Variants in KATNAL2 observed in about 807,000 individuals in gnomAD.
KATNAL2 encodes the protein katanin catalytic subunit A1 like 2.
KATNAL2 carries 52 observed loss-of-function variants against 76.3 expected under a neutral mutation model. The observed-to-expected ratio is 0.68, with a 90% CI of 0.55 to 0.86. KATNAL2 has a LOEUF of 0.86. Among genes scored for constraint, KATNAL2 ranks in the 40% least tolerant of loss-of-function variants. KATNAL2 has a pLI of 0.00. For synonymous variants in KATNAL2, 243 were observed against 244.2 expected, an observed-to-expected ratio of 1.00 and a Z score of 0.05; for missense variants, 660 against 668.9, an observed-to-expected ratio of 0.99 and a Z score of 0.15.
chr18:46,954,002 G>A (rs984453727), intron 3 of KATNAL2, among the ~76,000 whole-genome samples: 2 of 152,096 alleles, frequency 1.3e-5, no homozygotes, highest in Admixed American at 6.5e-5. Flanking sequence ...AGAGAACAGA[G>A]GAAGACTTTG....
intron 15 of KATNAL2, among the ~76,000 whole-genome samples, chr18:47,079,392 CTTTT>C (rs1215233070): frequency 1.3e-5 from 2 of 150,710 alleles, no homozygotes; most frequent in East Asian, 2.0e-4. Flanking sequence ...CAGACGGCCT[CTTTT>C]TTTTCTTTTT....
rs565166831 is a variant in KATNAL2 at position 47,035,230 on chromosome 18, T to C, written c.52-11227T>C. Reference sequence around the variant, plus strand: ...AGTGGCCAGACGCACCTGCAGCTTCTCCACTGCGTGCAGCGTAGTGGACCC... The same window carrying C: ...AGTGGCCAGACGCACCTGCAGCTTCCCCACTGCGTGCAGCGTAGTGGACCC... On this transcript the variant is annotated intron_variant, in intron 3 of 17. Coordinates refer to ENST00000683218, the MANE Select transcript of KATNAL2 (RefSeq NM_001387690.1). The C allele has an allele frequency of 1.7e-4, 276 of 1,612,714 alleles. 1 individual carries two copies. The highest frequency in any genetic ancestry group is 3.6e-4 in the African/African-American group (27 of 75,000).
intron 1 of KATNAL2, among the ~76,000 whole-genome samples, chr18:46,939,323 A>C (rs542375338): frequency 6.8e-6 from 1 of 146,950 alleles, no homozygotes; most frequent in Non-Finnish European, 1.5e-5. Context: ...GCAGAATGAG[A>C]CTGCATCTCA....
At chr18:47,079,834 G>A (rs1478880134) in intron 15 of KATNAL2, among the ~76,000 whole-genome samples, 1 of 152,044 alleles carries the variant, frequency 6.6e-6, no homozygotes, top group Non-Finnish European at 1.5e-5. Flanking sequence ...AGAATTTTTT[G>A]GCAAACACAC....
At chr18:47,031,863 C>G (rs760193510) in intron 3 of KATNAL2, among the ~76,000 whole-genome samples, 1 of 152,224 alleles carries the variant, frequency 6.6e-6, no homozygotes. Context: ...ATGCAGTATC[C>G]CTTTGTCTCC....
At chr18:47,034,410 C>G in intron 3 of KATNAL2, 2 of 1,614,106 alleles carry the variant, frequency 1.2e-6, no homozygotes, top group Non-Finnish European at 1.7e-6. Context: ...CAGCTTGCCC[C>G]CCTTCCTTGT....
chr18:47,059,023 GA>G (rs1320076453), intron 7 of KATNAL2, among the ~76,000 whole-genome samples: 2 of 152,120 alleles, frequency 1.3e-5, no homozygotes, highest in East Asian at 3.9e-4. Flanking sequence ...CTGAGAAAAG[GA>G]ATTAAAAAAA....
chr18:46,961,603 G>A (rs771313553), intron 3 of KATNAL2, among the ~76,000 whole-genome samples: 2 of 152,156 alleles, frequency 1.3e-5, no homozygotes, highest in Non-Finnish European at 2.9e-5. Flanking sequence ...TTCAAATACA[G>A]ACATAGGATT....
At chr18:47,034,670 G>A in intron 3 of KATNAL2, 1 of 1,613,594 alleles carries the variant, frequency 6.2e-7, no homozygotes, top group Non-Finnish European at 8.5e-7. Context: ...TGAGCCGCGT[G>A]AGTGTGGCCT....
rs115619692 is a variant in KATNAL2 at position 47,085,379 on chromosome 18, G to A, written c.1211+7918G>A. On this transcript the variant is annotated intron_variant, in intron 15 of 17. Coordinates refer to ENST00000683218, the MANE Select transcript of KATNAL2 (RefSeq NM_001387690.1). ...CCAAGCTAACTTTGGGAGACATTTC[G>A]TTTATAGTTTAAATGATAATAACCC... 4.0e-3 allele frequency among the ~76,000 whole-genome samples: 615 copies of A among 152,236 alleles called. 1 individual carries two copies. Among genetic ancestry groups the A allele is most frequent in the African/African-American group, 0.014 (565 of 41,524 alleles).
At chr18:46,952,306 C>T (rs939551392) in intron 3 of KATNAL2, among the ~76,000 whole-genome samples, 1 of 151,820 alleles carries the variant, frequency 6.6e-6, no homozygotes, top group Non-Finnish European at 1.5e-5. Flanking sequence ...AACCCCTGGC[C>T]TCAAGTGATC....
At chr18:47,084,518 A>G in intron 15 of KATNAL2, 2 of 638,832 alleles carry the variant, frequency 3.1e-6, no homozygotes, top group South Asian at 3.5e-5. Context: ...AGACAGTTCA[A>G]CTGGTTTCCC....
Position 47,101,412 on chromosome 18 carries a change from A to T in KATNAL2, c.*407A>T. On this transcript the variant is annotated 3_prime_UTR_variant, in exon 18 of 18. Coordinates refer to ENST00000683218, the MANE Select transcript of KATNAL2 (RefSeq NM_001387690.1). ...CAGCCAAGTAGAAGCTAAGCTTGAC[A>T]GGCACTGCCCAGCTGACAGTCCCAG... 1 of 192,722 alleles carries T rather than the reference A, an allele frequency of 5.2e-6. No individual in the cohort carries two copies. Among genetic ancestry groups the T allele is most frequent in the Non-Finnish European group, 1.1e-5 (1 of 91,144 alleles). 11.9% of individuals were successfully genotyped at this position (192,722 alleles called of 1,614,324 possible).
At chr18:47,078,293 C>T (rs2062337364) in intron 15 of KATNAL2, among the ~76,000 whole-genome samples, 3 of 152,114 alleles carry the variant, frequency 2.0e-5, no homozygotes, top group East Asian at 1.9e-4. Context: ...TTCTGTAGTG[C>T]ATGCTAATTA....
chr18:47,066,884 T>C (rs112766014), intron 10 of KATNAL2, 137 bp from the exon 11 acceptor site: 4,069 of 50,162 alleles, frequency 0.081, 464 homozygotes, highest in South Asian at 0.14. Context: ...TATATATATA[T>C]ATATATATAA....
chr18:47,034,098 G>T (rs766776711), intron 3 of KATNAL2: 3 of 1,614,080 alleles, frequency 1.9e-6, no homozygotes, highest in African/African-American at 1.3e-5. Context: ...GCAACTGATC[G>T]TAGGTGAGGT....
intron 14 of KATNAL2, among the ~76,000 whole-genome samples, chr18:47,076,900 T>C (rs577471948): frequency 5.9e-5 from 9 of 151,598 alleles, no homozygotes; most frequent in Non-Finnish European, 1.0e-4. Flanking sequence ...AAAAAACATA[T>C]ACCTAGCCAG....
intron 3 of KATNAL2, among the ~76,000 whole-genome samples, chr18:46,965,581 G>GACCCCCC (rs2060096175): frequency 1.4e-5 from 1 of 73,874 alleles, no homozygotes; most frequent in African/African-American, 5.5e-5. Context: ...TAGCATCCCC[G>GACCCCCC]CCCCCCCCCC....
chr18:47,055,135 C>A (rs999679064), intron 6 of KATNAL2, among the ~76,000 whole-genome samples: 1 of 152,174 alleles, frequency 6.6e-6, no homozygotes, highest in African/African-American at 2.4e-5. Flanking sequence ...GCATTCCTCT[C>A]GCCCCACTCC....
Sources: gnomAD v4.1 joint callset for allele counts (sites outside exome capture counted in the v4.1 genomes callset) on GRCh38, gnomAD v4.1.1 for gene constraint, MANE v1.5 for transcripts, NCBI Gene and HGNC (gene_info 2026-07-23, HGNC 2026-07-21) for gene names.